The following ATXN1 variants were observed in gnomAD, a reference collection of about 807,000 sequenced individuals.
The protein encoded by ATXN1 is ataxin-1.
A neutral mutation model predicts 56.4 loss-of-function variants in ATXN1; 8 were observed. The observed-to-expected ratio is 0.14, with a 90% confidence interval of 0.08 to 0.26. The LOEUF is 0.26. Among genes scored for constraint, ATXN1 ranks in the 10% least tolerant of loss-of-function variants. The pLI is 1.00. For missense variants in ATXN1, 987 were observed against 1,106.5 expected, an observed-to-expected ratio of 0.89 and a Z score of 1.53; for synonymous variants, 514 against 494.6, an observed-to-expected ratio of 1.04 and a Z score of -0.52.
rs545666367 is a variant in ATXN1 at position 16,326,180 on chromosome 6, C to T, written c.1917+214G>A. 2.6e-5 allele frequency among the ~76,000 whole-genome samples: 4 copies of T among 152,308 alleles called. No individual in the cohort carries two copies. The East Asian group carries it at 5.8e-4, about 22-fold the overall frequency. ...GGACTCCATAACTAGCCCCACTCTC[C>T]ATGCATGGAGGTTAATTCATTACAC... On this transcript the variant is annotated intron_variant, in intron 7 of 7. Transcript: ENST00000436367. The surrounding 1 kb of genome is among the most constrained non-coding windows in gnomAD (Gnocchi z 6.6).
chr6:16,687,206 C>A (rs911838006), intron 2 of ATXN1, among the ~76,000 whole-genome samples: 1 of 152,212 alleles, frequency 6.6e-6, no homozygotes, highest in Non-Finnish European at 1.5e-5. Flanking sequence ...TCTGAAAAAC[C>A]TCTTCCTCTC....
At chr6:16,719,758 A>G (rs1759709832) in intron 2 of ATXN1, among the ~76,000 whole-genome samples, 2 of 152,156 alleles carry the variant, frequency 1.3e-5, no homozygotes, top group Non-Finnish European at 2.9e-5. Context: ...AGGACCTGGT[A>G]CAGACACAGA....
chr6:16,538,238 T>C (rs1179157976), intron 4 of ATXN1, among the ~76,000 whole-genome samples: 1 of 152,192 alleles, frequency 6.6e-6, no homozygotes, highest in African/African-American at 2.4e-5. Context: ...TTAAATGACC[T>C]TGGGCAAATC....
chr6:16,320,378 C>T lies in ATXN1; in HGVS notation c.1917+6016G>A, dbSNP rs1167023406. ...ATGGCACTGAATATTAAGCAGCCACCGAGTCAGGGAAGCAGTCACCTCGGG... is the reference window on the plus strand; with the variant it reads ...ATGGCACTGAATATTAAGCAGCCACTGAGTCAGGGAAGCAGTCACCTCGGG... On this transcript the variant is annotated intron_variant, in intron 7 of 7. Transcript: ENST00000436367. Among the ~76,000 whole-genome samples the T allele has an allele frequency of 5.3e-5, 8 of 152,110 alleles. No homozygotes were observed. In the East Asian group the frequency reaches 1.5e-3, roughly 29 times the overall value.
chr6:16,406,542 T>C (rs192179635), intron 6 of ATXN1, among the ~76,000 whole-genome samples: 2 of 152,334 alleles, frequency 1.3e-5, no homozygotes, highest in African/African-American at 4.8e-5. Flanking sequence ...TAGTACTTTC[T>C]CTTAGAAGCA....
chr6:16,646,036 T>A (rs533972234), intron 3 of ATXN1, among the ~76,000 whole-genome samples: 1 of 151,574 alleles, frequency 6.6e-6, no homozygotes, highest in South Asian at 2.1e-4. Flanking sequence ...CTGGGTAACA[T>A]AGCAAGAATC....
chr6:16,439,370 G>GGA (rs1759463251), intron 6 of ATXN1, among the ~76,000 whole-genome samples: 1 of 25,748 alleles, frequency 3.9e-5, no homozygotes, highest in African/African-American at 1.5e-4. Flanking sequence ...GCGGGGCCGG[G>GGA]GGCGGGGCGG....
At chr6:16,575,531 C>T (rs1581855341) in intron 4 of ATXN1, among the ~76,000 whole-genome samples, 1 of 152,202 alleles carries the variant, frequency 6.6e-6, no homozygotes, top group African/African-American at 2.4e-5. Flanking sequence ...TCAGAGCAGA[C>T]ACAGCCACAT....
intron 6 of ATXN1, among the ~76,000 whole-genome samples, chr6:16,388,673 G>A (rs779342598): frequency 6.6e-6 from 1 of 152,184 alleles, no homozygotes; most frequent in Non-Finnish European, 1.5e-5. Flanking sequence ...GAAAAGATGA[G>A]ACCCCAGGAG....
At chr6:16,725,996 T>G (rs1279868757) in intron 2 of ATXN1, among the ~76,000 whole-genome samples, 1 of 152,172 alleles carries the variant, frequency 6.6e-6, no homozygotes, top group Non-Finnish European at 1.5e-5. Flanking sequence ...AATACCCACA[T>G]AATTTTCCTT....
rs377147941 is a variant in ATXN1, at chr6:16,376,087, CA to C, written c.-160-47618del. ...TTTTCTGCATGGTTACATAAGCCTA[CA>C]AAAGGGAAAAATGTAAATGATTCAA... On this transcript the variant is annotated intron_variant, in intron 6 of 7. Transcript: ENST00000436367. Among the ~76,000 whole-genome samples the C allele has an allele frequency of 2.7e-3, 405 of 152,272 alleles. 2 individuals carry two copies. Among genetic ancestry groups the C allele is most frequent in the African/African-American group, 9.5e-3 (395 of 41,548 alleles).
In ATXN1 at chr6:16,370,132, A is replaced by T. The variant is rs1005516170; in HGVS notation, c.-160-41662T>A. Among the ~76,000 whole-genome samples, 7 of 152,302 alleles carry T rather than the reference A, an allele frequency of 4.6e-5. No homozygotes were observed. In the South Asian group the frequency reaches 8.3e-4, roughly 18 times the overall value. ...CTCCCAGGAATCCTGCATGAGGTGG[A>T]TATCATGAATGTTATAATGTCCAGA... On this transcript the variant is annotated intron_variant, in intron 6 of 7. Coordinates refer to ENST00000436367, the MANE Select transcript of ATXN1 (RefSeq NM_001128164.2).
chr6:16,657,424 G>A (rs2237162), intron 3 of ATXN1, among the ~76,000 whole-genome samples: 3,934 of 152,268 alleles, frequency 0.026, 76 homozygotes, highest in South Asian at 0.075. Flanking sequence ...CCTCTCGTGC[G>A]ATTAATCCCT....
chr6:16,742,751 G>C (rs1301924395), intron 2 of ATXN1, among the ~76,000 whole-genome samples: 1 of 152,214 alleles, frequency 6.6e-6, no homozygotes, highest in East Asian at 1.9e-4. Context: ...GCACAGATAA[G>C]ATTAGATGGA....
intron 6 of ATXN1, among the ~76,000 whole-genome samples, chr6:16,336,643 T>C (rs1362589133): frequency 6.6e-6 from 1 of 152,188 alleles, no homozygotes; most frequent in Admixed American, 6.5e-5. Context: ...CTCCCTCTAG[T>C]GTCACAAGAA....
chr6:16,730,399 T>G (rs761319545), intron 2 of ATXN1, among the ~76,000 whole-genome samples: 1 of 150,776 alleles, frequency 6.6e-6, no homozygotes, highest in Non-Finnish European at 1.5e-5. Flanking sequence ...AAATTCAAGA[T>G]TATCACTAAA....
chr6:16,489,530 A>G (rs1385488583), intron 5 of ATXN1, among the ~76,000 whole-genome samples: 1 of 152,180 alleles, frequency 6.6e-6, no homozygotes, highest in Non-Finnish European at 1.5e-5. Flanking sequence ...CCATTTCCTC[A>G]TCACCAGCAG....
rs1761577061 is a variant in ATXN1 at position 16,535,389 on chromosome 6, G to C, written c.-360-12701C>G. 2.0e-5 allele frequency among the ~76,000 whole-genome samples: 3 copies of C among 152,232 alleles called. No individual in the cohort carries two copies. In the South Asian group the frequency reaches 6.2e-4, roughly 32 times the overall value. On this transcript the variant is annotated intron_variant, in intron 4 of 7. Transcript: ENST00000436367. The stretch of plus-strand genomic sequence containing the variant: ...TCAGAAAGTGGGAAAATGCTAAATA[G>C]ATAAATCAATACCCCACAGTGATGG...
intron 6 of ATXN1, among the ~76,000 whole-genome samples, chr6:16,363,201 C>T (rs1342407275): frequency 1.3e-5 from 2 of 152,232 alleles, no homozygotes; most frequent in Admixed American, 6.5e-5. Flanking sequence ...AAAACAGCAT[C>T]TATCAACTTC....
Sources: allele counts gnomAD v4.1 joint callset (sites outside exome capture counted in the v4.1 genomes callset), GRCh38; gene constraint gnomAD v4.1.1; non-coding constraint Gnocchi (gnomAD v3.1); transcripts MANE v1.5; gene names NCBI Gene and HGNC (gene_info 2026-07-23, HGNC 2026-07-21).